The following CRNN variants were observed in gnomAD, a reference collection of about 807,000 sequenced individuals.
The protein encoded by CRNN is cornulin.
In CRNN, 39 loss-of-function variants were observed where a neutral mutation model predicts 44.7. The observed-to-expected ratio is 0.87, with a 90% CI of 0.68 to 1.14. CRNN has a LOEUF of 1.14. Ranked by LOEUF, CRNN falls within the 50% of genes most tolerant of loss-of-function variation. CRNN has a pLI of 0.00. For synonymous variants in CRNN, 240 were observed against 231.8 expected (o/e 1.04, Z -0.32); for missense variants, 606 against 605.1 (o/e 1.00, Z -0.02).
In CRNN at chr1:152,409,541, C is replaced by T. The variant is rs1655684817; in HGVS notation, c.*53G>A. ...CACTGGATTGGCCATGCAGGACAAG[C>T]CAAACTCTCTCCAGCTGTCTTCTTC... On this transcript the variant is annotated 3_prime_UTR_variant, in exon 3 of 3. Transcript: ENST00000271835. 20 of 1,564,230 alleles carry T rather than the reference C, an allele frequency of 1.3e-5. No individual in the cohort carries two copies. The South Asian group carries it at 2.1e-4, about 16-fold the overall frequency.
At position 152,412,315 on chromosome 1, in the gene CRNN, T is replaced by C. The variant is rs1220616707; in HGVS notation, c.-13-69A>G. The C allele has an allele frequency of 2.7e-6, 4 of 1,462,484 alleles. 1 individual carries two copies. The East Asian group carries it at 9.4e-5, about 34-fold the overall frequency. The allele number at this position is 1,462,484 out of a possible 1,614,324, so 90.6% of individuals were successfully genotyped here. ...TCAGCTATTTCCTTTATAGCACGTCTGCTGCTAGGTCTTTCCTTGCACGTT... is the reference window on the plus strand; with the variant it reads ...TCAGCTATTTCCTTTATAGCACGTCCGCTGCTAGGTCTTTCCTTGCACGTT... On this transcript the variant is annotated intron_variant, in intron 1 of 2. Transcript: ENST00000271835.
At chr1:152,411,947 CT>C (rs756866886) in intron 2 of CRNN, 148 bp downstream of exon 2, 53 of 795,980 alleles carry the variant, frequency 6.7e-5, no homozygotes, top group South Asian at 1.3e-4. Context: ...GTTCTTTCAC[CT>C]TTTTTTCTGC....
rs1655692749 is a variant in CRNN at position 152,409,754 on chromosome 1, A to G, written c.1328T>C (p.Val443Ala). 32 of 1,614,054 alleles carry G rather than the reference A, an allele frequency of 2.0e-5. No homozygotes were observed. The highest frequency in any genetic ancestry group is 2.5e-5 in the Non-Finnish European group (29 of 1,180,042). ...CACTGTCTCCCTTGAGTGGTCATCA[A>G]CCCATTCCTCACCAACCACTGTGGG... Reference protein sequence around the residue: ...RQPTVVGEEWVDDHSRETVIL... With the variant: ...RQPTVVGEEWADDHSRETVIL... The change falls in exon 3 of 3, where the codon GTT becomes GCT. Residue 443 changes from valine (V) to alanine (A), a missense_variant. Transcript: ENST00000271835.
rs545194015 is a variant in CRNN, at chr1:152,411,054, A to G, written c.139-111T>C. On this transcript the variant is annotated intron_variant, in intron 2 of 2. Transcript: ENST00000271835. ...GCCTCAGACCCCACACTACACACAC[A>G]TACGGCTAGAGCAGCAGCAAGACTT... The G allele has an allele frequency of 2.5e-5, 37 of 1,454,340 alleles. No homozygotes were observed. The African/African-American group carries it at 4.7e-4, about 18-fold the overall frequency. The allele number at this position is 1,454,340 out of a possible 1,614,324, so 90.1% of individuals were successfully genotyped here.
Position 152,409,631 on chromosome 1 carries a change from C to A in CRNN, c.1451G>T (p.Arg484Ile). 1 of 1,613,764 alleles carries A rather than the reference C, an allele frequency of 6.2e-7. No individual in the cohort carries two copies. The highest frequency in any genetic ancestry group is 8.5e-7 in the Non-Finnish European group (1 of 1,179,834). The change falls in exon 3 of 3, where the codon AGA becomes ATA. Residue 484 changes from arginine (R) to isoleucine (I), a missense_variant. Arg to Ile is a moderately conservative substitution (Grantham distance 97, BLOSUM62 -3). Transcript: ENST00000271835. ...GCTTCTCAAGTAGGAATACAGCTCT[C>A]TAGCTGTGATGCCTCGCTTCTCTTC... is the stretch of plus-strand genomic sequence containing the variant. ...QSEEKRGITA[R>I]ELYSYLRSTK...
At position 152,414,236 on chromosome 1, in the gene CRNN, C is replaced by G. The variant is rs896666351; in HGVS notation, c.-36G>C. On this transcript the variant is annotated 5_prime_UTR_variant, in exon 1 of 3. Coordinates refer to ENST00000271835, the MANE Select transcript of CRNN (RefSeq NM_016190.3). ...TACCTAATGCCCAGGTGGGATGAAACAAGTGGCTGTTAAGTGGTGTGAGGA... is the reference window on the plus strand; with the variant it reads ...TACCTAATGCCCAGGTGGGATGAAAGAAGTGGCTGTTAAGTGGTGTGAGGA... 6.6e-6 allele frequency: 1 copy of G among 152,374 alleles called. No individual in the cohort carries two copies. Among genetic ancestry groups the G allele is most frequent in the Admixed American group, 6.5e-5 (1 of 15,288 alleles). 9.4% of individuals were successfully genotyped at this position (152,374 alleles called of 1,614,324 possible). A position where few individuals can be genotyped will look rare whatever the true frequency, so the allele number is the denominator to read the frequency against.
rs1455907686 is a variant in CRNN at position 152,410,829 on chromosome 1, AGGCCTG to A, written c.247_252del (p.Gln83_Ala84del). On this transcript the variant is annotated inframe_deletion, in exon 3 of 3. Coordinates refer to ENST00000271835, the MANE Select transcript of CRNN (RefSeq NM_016190.3). ...GCACTCTCGCTCAGTGTCTTGAAAC[AGGCCTG>A]GGCAACTTTAAACACTAAGACCAGG... 1 of 1,614,214 alleles carries A rather than the reference AGGCCTG, an allele frequency of 6.2e-7. No homozygotes were observed.
rs760762248 is a variant in CRNN, at chr1:152,410,089, G to T, written c.993C>A (p.His331Gln). The T allele has an allele frequency of 6.2e-7, 1 of 1,613,900 alleles. No individual in the cohort carries two copies. ...TNGQNRGTEI[H>Q]GQGRSQTSQA... ...GGCTGGTCTGGCTCCTGCCTTGACCGTGGATCTCAGTCCCTCTGTTCTGGC... is the reference window on the plus strand; with the variant it reads ...GGCTGGTCTGGCTCCTGCCTTGACCTTGGATCTCAGTCCCTCTGTTCTGGC... Residue 331 changes from histidine (H) to glutamine (Q), a missense_variant, in exon 3 of 3, where the codon CAC (histidine) becomes CAA (glutamine). Coordinates refer to ENST00000271835, the MANE Select transcript of CRNN (RefSeq NM_016190.3).
At position 152,410,705 on chromosome 1, in the gene CRNN, G is replaced by A. The variant is rs774952004; in HGVS notation, c.377C>T (p.Ala126Val). 36 of 1,613,728 alleles carry A rather than the reference G, an allele frequency of 2.2e-5. 1 individual carries two copies. The highest frequency in any genetic ancestry group is 3.3e-4 in the Middle Eastern group (2 of 6,084). The change falls in exon 3 of 3, where the codon GCG (alanine) becomes GTG (valine). Residue 126 changes from alanine (A) to valine (V), a missense_variant. Physicochemically the swap from Ala to Val is moderately conservative, Grantham distance 64. Transcript: ENST00000271835. ...CCCCTCATAATGCTGCCCTTTCCCC[G>A]CCCTTCCCACTTCAGTGCCACTTCT... Reference protein sequence around the residue: ...GQRSGTEVGRAGKGQHYEGSS... With the variant: ...GQRSGTEVGRVGKGQHYEGSS...
rs1655676769 is a variant in CRNN, at chr1:152,409,391, G to T, written c.*203C>A. ...TCTGAGTCTTCCTGCTCCTGAGAGG[G>T]TCTGCACCGCAAAGCAGGTAAGAAA... On this transcript the variant is annotated 3_prime_UTR_variant, in exon 3 of 3. Transcript: ENST00000271835. The T allele has an allele frequency of 3.4e-6, 3 of 893,802 alleles. No individual in the cohort carries two copies. The highest frequency in any genetic ancestry group is 4.9e-6 in the Non-Finnish European group (3 of 610,742). 55.4% of individuals were successfully genotyped at this position (893,802 alleles called of 1,614,324 possible). A position where few individuals can be genotyped will look rare whatever the true frequency, so the allele number is the denominator to read the frequency against.
Position 152,409,638 on chromosome 1 carries a change from T to C in CRNN, c.1444A>G (p.Thr482Ala). Residue 482 changes from threonine to alanine, a missense_variant, in exon 3 of 3, where the codon ACA becomes GCA. Transcript: ENST00000271835. ...AAGTAGGAATACAGCTCTCTAGCTGTGATGCCTCGCTTCTCTTCTGACTGG... is the reference window on the plus strand; with the variant it reads ...AAGTAGGAATACAGCTCTCTAGCTGCGATGCCTCGCTTCTCTTCTGACTGG... ...AAQSEEKRGI[T>A]ARELYSYLRS... 6.2e-7 allele frequency: 1 copy of C among 1,614,038 alleles called. No individual in the cohort carries two copies. Among genetic ancestry groups the C allele is most frequent in the South Asian group, 1.1e-5 (1 of 91,058 alleles).
Position 152,409,730 on chromosome 1 carries a change from A to C in CRNN, c.1352T>G (p.Val451Gly). Residue 451 changes from valine to glycine, a missense_variant, in exon 3 of 3, where the codon GTG becomes GGG. Transcript: ENST00000271835. Reference sequence around the variant, plus strand: ...GTTGCCCTGGTCCAGCCTGAGGATCACTGTCTCCCTTGAGTGGTCATCAAC... The same window carrying C: ...GTTGCCCTGGTCCAGCCTGAGGATCCCTGTCTCCCTTGAGTGGTCATCAAC... ...EWVDDHSRET[V>G]ILRLDQGNLH... The C allele has an allele frequency of 6.2e-7, 1 of 1,614,194 alleles. No individual in the cohort carries two copies. Among genetic ancestry groups the C allele is most frequent in the African/African-American group, 1.3e-5 (1 of 75,054 alleles).
In CRNN at chr1:152,412,077, C is replaced by CCACAT; in HGVS notation, c.138+18_138+19insATGTG. The CCACAT allele has an allele frequency of 6.3e-7, 1 of 1,584,980 alleles. No homozygotes were observed. Among genetic ancestry groups the CCACAT allele is most frequent in the Non-Finnish European group, 8.6e-7 (1 of 1,158,978 alleles). On this transcript the variant is annotated intron_variant, in intron 2 of 2. Coordinates refer to ENST00000271835, the MANE Select transcript of CRNN (RefSeq NM_016190.3). ...CTCTCCTGCTATGTCCCCTCTCCAC[C>CCACAT]CGGCTCAGCACACCGTACCACAATC...
Position 152,409,380 on chromosome 1 carries a change from C to T in CRNN, c.*214G>A. ...GGGTGACTTGCTCTGAGTCTTCCTG[C>T]TCCTGAGAGGGTCTGCACCGCAAAG... On this transcript the variant is annotated 3_prime_UTR_variant, in exon 3 of 3. Coordinates refer to ENST00000271835, the MANE Select transcript of CRNN (RefSeq NM_016190.3). 1 of 810,456 alleles carries T rather than the reference C, an allele frequency of 1.2e-6. No homozygotes were observed. Among genetic ancestry groups the T allele is most frequent in the Non-Finnish European group, 1.9e-6 (1 of 539,526 alleles). The allele number at this position is 810,456 out of a possible 1,614,324, so 50.2% of individuals were successfully genotyped here.
Position 152,409,529 on chromosome 1 carries a change from A to G in CRNN, c.*65T>C. Reference sequence around the variant, plus strand: ...CAGGGATGCACCCACTGGATTGGCCATGCAGGACAAGCCAAACTCTCTCCA... The same window carrying G: ...CAGGGATGCACCCACTGGATTGGCCGTGCAGGACAAGCCAAACTCTCTCCA... On this transcript the variant is annotated 3_prime_UTR_variant, in exon 3 of 3. Transcript: ENST00000271835. 6.4e-7 allele frequency: 1 copy of G among 1,553,550 alleles called. No homozygotes were observed. Among genetic ancestry groups the G allele is most frequent in the Non-Finnish European group, 8.7e-7 (1 of 1,149,412 alleles).
rs375760708 is a variant in CRNN, at chr1:152,412,185, G to T, written c.49C>A (p.Arg17Ser). The change falls in exon 2 of 3, where the codon CGC becomes AGC. Residue 17 changes from arginine to serine, a missense_variant. Coordinates refer to ENST00000271835, the MANE Select transcript of CRNN (RefSeq NM_016190.3). Reference protein sequence around the residue: ...NINGIIEAFRRYARTEGNCTA... With the variant: ...NINGIIEAFRSYARTEGNCTA... Reference sequence around the variant, plus strand: ...CAGTTGCCCTCCGTCCTTGCATAGCGCCTGAAGGCCTCGATGATCCCATTA... The same window carrying T: ...CAGTTGCCCTCCGTCCTTGCATAGCTCCTGAAGGCCTCGATGATCCCATTA... 1.1e-5 allele frequency: 18 copies of T among 1,613,414 alleles called. No homozygotes were observed. Among genetic ancestry groups the T allele is most frequent in the Non-Finnish European group, 1.4e-5 (16 of 1,179,466 alleles).
rs1655741652 is a variant in CRNN, at chr1:152,410,923, A to G, written c.159T>C (p.Thr53=). The G allele has an allele frequency of 6.2e-7, 1 of 1,611,150 alleles. No individual in the cohort carries two copies. Among genetic ancestry groups the G allele is most frequent in the Admixed American group, 1.7e-5 (1 of 59,810 alleles). ...DVIVKPHDPA[T]VDEVLRLLDE... ...CCAGCAGACGCAGGACCTCATCCAC[A>G]GTTGCTGGATCGTGGGGTTTCTGAG... The change falls in exon 3 of 3, where the codon ACT becomes ACC. Residue 53 remains threonine, a synonymous_variant. Coordinates refer to ENST00000271835, the MANE Select transcript of CRNN (RefSeq NM_016190.3).
At chr1:152,411,426 C>G (rs769605395) in intron 2 of CRNN, among the ~76,000 whole-genome samples, 3 of 152,186 alleles carry the variant, frequency 2.0e-5, no homozygotes, top group Admixed American at 2.0e-4. Context: ...CAGTGGGCCC[C>G]TGCAGCGCTG....
chr1:152,409,693 A>T lies in CRNN; in HGVS notation c.1389T>A (p.Ser463Arg), dbSNP rs761331126. 6.2e-7 allele frequency: 1 copy of T among 1,614,190 alleles called. No individual in the cohort carries two copies. The highest frequency in any genetic ancestry group is 1.1e-5 in the South Asian group (1 of 91,084). ...CATCCTGGCCCTGTGCTGAGGAAAC[A>T]CTGGTATGCAAGTTGCCCTGGTCCA... The part of the protein sequence containing the change: ...LRLDQGNLHT[S>R]VSSAQGQDAA... The change falls in exon 3 of 3, where the codon AGT becomes AGA. Residue 463 changes from serine (S) to arginine (R), a missense_variant. Ser to Arg is a moderately radical substitution (Grantham distance 110, BLOSUM62 -1). Coordinates refer to ENST00000271835, the MANE Select transcript of CRNN (RefSeq NM_016190.3).
Sources: allele counts gnomAD v4.1 joint callset (sites outside exome capture counted in the v4.1 genomes callset), GRCh38; gene constraint gnomAD v4.1.1; transcripts MANE v1.5; gene names NCBI Gene and HGNC (gene_info 2026-07-23, HGNC 2026-07-21).